ADCY2: variants seen among roughly 807,000 people sequenced by gnomAD.
ADCY2 encodes the protein adenylate cyclase 2.
In ADCY2, 31 loss-of-function variants were observed where a neutral mutation model predicts 125.2. That is an observed-to-expected ratio of 0.25 (90% CI 0.19 to 0.33). ADCY2 has a LOEUF of 0.33. ADCY2 is among the 10% of genes least tolerant of loss of function. The pLI, the probability that ADCY2 is intolerant of heterozygous loss-of-function variation, is 1.00. For missense variants in ADCY2, 904 were observed against 1,418.2 expected (o/e 0.64, Z 5.82); for synonymous variants, 512 against 548.4 (o/e 0.93, Z 0.93).
At chr5:7,457,449 G>T (rs779656017) in intron 2 of ADCY2, among the ~76,000 whole-genome samples, 1 of 152,040 alleles carries the variant, frequency 6.6e-6, no homozygotes, top group East Asian at 1.9e-4. Flanking sequence ...GTGGCTCCAG[G>T]CTCTTCCAGG....
chr5:7,744,391 A>T (rs114939906), intron 15 of ADCY2, among the ~76,000 whole-genome samples: 6,235 of 149,644 alleles, frequency 0.042, 418 homozygotes, highest in African/African-American at 0.14. Context: ...AGTAAAATTT[A>T]AAAAAAAAAG....
intron 4 of ADCY2, among the ~76,000 whole-genome samples, chr5:7,661,552 A>G (rs1026133782): frequency 2.0e-5 from 3 of 152,358 alleles, no homozygotes; most frequent in African/African-American, 7.2e-5. Context: ...ACTTGTTACA[A>G]AGATTGGTTT....
chr5:7,460,074 C>T (rs984600543), intron 2 of ADCY2, among the ~76,000 whole-genome samples: 6 of 151,792 alleles, frequency 4.0e-5, no homozygotes, highest in South Asian at 2.1e-4. Flanking sequence ...GTGTGAGCCA[C>T]GGTGCCCAGC....
At chr5:7,562,574 A>C (rs1201251845) in intron 3 of ADCY2, among the ~76,000 whole-genome samples, 4 of 152,162 alleles carry the variant, frequency 2.6e-5, no homozygotes, top group Non-Finnish European at 4.4e-5. Flanking sequence ...TACACAAGTA[A>C]TTTCTTTGAA....
intron 4 of ADCY2, among the ~76,000 whole-genome samples, chr5:7,674,177 C>G (rs1026335351): frequency 1.3e-5 from 2 of 152,124 alleles, no homozygotes; most frequent in African/African-American, 4.8e-5. Context: ...TGGTGGTGGT[C>G]GTGGTGAGGT....
intron 2 of ADCY2, among the ~76,000 whole-genome samples, chr5:7,499,892 T>C (rs1298494073): frequency 6.6e-6 from 1 of 151,850 alleles, no homozygotes; most frequent in Non-Finnish European, 1.5e-5. Context: ...TTCAATCATA[T>C]CATTAAATGT....
intron 4 of ADCY2, among the ~76,000 whole-genome samples, chr5:7,628,834 A>C (rs1324402654): frequency 1.3e-5 from 2 of 152,130 alleles, no homozygotes; most frequent in African/African-American, 2.4e-5. Context: ...AAAAAAAAAA[A>C]AAACCATCAG....
intron 2 of ADCY2, among the ~76,000 whole-genome samples, chr5:7,474,928 A>G (rs1470858865): frequency 6.6e-6 from 1 of 152,226 alleles, no homozygotes; most frequent in Non-Finnish European, 1.5e-5. Flanking sequence ...CACAATGGGC[A>G]GCTGTTACCA....
chr5:7,547,672 C>T (rs1016125638), intron 3 of ADCY2, among the ~76,000 whole-genome samples: 4 of 152,208 alleles, frequency 2.6e-5, no homozygotes, highest in Admixed American at 1.3e-4. Flanking sequence ...TGATCTTTAC[C>T]TGTGCCTCTC....
intron 15 of ADCY2, among the ~76,000 whole-genome samples, chr5:7,750,895 A>G (rs577984864): frequency 2.5e-4 from 38 of 151,984 alleles, no homozygotes; most frequent in Non-Finnish European, 5.4e-4. Flanking sequence ...CTAGGTCTGC[A>G]ACGTCATTGT....
At chr5:7,454,026 C>T (rs1387845252) in intron 2 of ADCY2, among the ~76,000 whole-genome samples, 1 of 152,150 alleles carries the variant, frequency 6.6e-6, no homozygotes, top group Non-Finnish European at 1.5e-5. Flanking sequence ...CTGGTGCTGG[C>T]TGCAACCAAT....
rs138342909 is a variant in ADCY2 at position 7,828,542 on chromosome 5, A to G, written c.*1671A>G. 1 of 152,452 alleles carries G rather than the reference A, an allele frequency of 6.6e-6. No individual in the cohort carries two copies. The highest frequency in any genetic ancestry group is 1.5e-5 in the Non-Finnish European group (1 of 68,044). The allele number at this position is 152,452 out of a possible 1,614,324, so 9.4% of individuals were successfully genotyped here. ...GACTCATTCCCAGTAAAAGGCACTT[A>G]TCGAAGCTGATAACCGTCCTTCATC... On this transcript the variant is annotated 3_prime_UTR_variant, in exon 25 of 25. Coordinates refer to ENST00000338316, the MANE Select transcript of ADCY2 (RefSeq NM_020546.3).
chr5:7,498,264 T>C (rs1743417606), intron 2 of ADCY2, among the ~76,000 whole-genome samples: 1 of 145,496 alleles, frequency 6.9e-6, no homozygotes, highest in Non-Finnish European at 1.5e-5. Flanking sequence ...TTTTTTTTTT[T>C]TTAAGACAGA....
At chr5:7,780,600 T>C (rs1274920351) in intron 18 of ADCY2, among the ~76,000 whole-genome samples, 8 of 152,214 alleles carry the variant, frequency 5.3e-5, no homozygotes, top group Admixed American at 4.6e-4. Flanking sequence ...TCCCAATTAG[T>C]GACCTGAGAA....
chr5:7,420,210 G>C (rs1380165698), intron 2 of ADCY2, among the ~76,000 whole-genome samples: 2 of 152,170 alleles, frequency 1.3e-5, no homozygotes, highest in Admixed American at 6.5e-5. Flanking sequence ...ATGCAGCCCA[G>C]TTCCGAGCCT....
chr5:7,439,497 T>C (rs1422991766), intron 2 of ADCY2, among the ~76,000 whole-genome samples: 1 of 150,618 alleles, frequency 6.6e-6, no homozygotes, highest in Non-Finnish European at 1.5e-5. Context: ...AAGGTGAGAT[T>C]TGGGTGGAGA....
chr5:7,418,307 A>G (rs1740035911), intron 2 of ADCY2, among the ~76,000 whole-genome samples: 1 of 152,028 alleles, frequency 6.6e-6, no homozygotes, highest in African/African-American at 2.4e-5. Context: ...CAGGTATTCC[A>G]TGTTAATTTT....
At chr5:7,668,383 C>T (rs1739826525) in intron 4 of ADCY2, among the ~76,000 whole-genome samples, 1 of 152,190 alleles carries the variant, frequency 6.6e-6, no homozygotes, top group Non-Finnish European at 1.5e-5. Flanking sequence ...CTTAACTTGC[C>T]AGCTCCTGCA....
At chr5:7,447,447 G>A (rs1741308698) in intron 2 of ADCY2, among the ~76,000 whole-genome samples, 1 of 152,194 alleles carries the variant, frequency 6.6e-6, no homozygotes. Context: ...CTGGTTCAGG[G>A]AATTGAGATC....
Sources: gnomAD v4.1 joint callset for allele counts (sites outside exome capture counted in the v4.1 genomes callset) on GRCh38, gnomAD v4.1.1 for gene constraint, MANE v1.5 for transcripts, NCBI Gene and HGNC (gene_info 2026-07-23, HGNC 2026-07-21) for gene names.